Variants in GRIK4 observed in about 807,000 individuals in gnomAD.
The protein encoded by GRIK4 is glutamate receptor ionotropic, kainate 4.
Under a neutral mutation model 104.9 loss-of-function variants are expected in GRIK4, and 40 were observed. The observed-to-expected ratio is 0.38, with a 90% confidence interval of 0.30 to 0.50. The LOEUF (loss-of-function observed/expected upper bound fraction) is 0.50. GRIK4 is among the 20% of genes least tolerant of loss of function. The pLI, the probability that GRIK4 is intolerant of heterozygous loss-of-function variation, is 0.93. For missense variants in GRIK4, 1,047 were observed against 1,308.1 expected (o/e 0.80, Z 3.08); for synonymous variants, 485 against 524.9 (o/e 0.92, Z 1.04).
rs1038653465 is a variant in GRIK4 at position 120,903,247 on chromosome 11, C to T, written c.1273-2043C>T. On this transcript the variant is annotated intron_variant, in intron 12 of 20. Coordinates refer to ENST00000527524, the MANE Select transcript of GRIK4 (RefSeq NM_014619.5). The surrounding 1 kb of genome is among the most constrained non-coding windows in gnomAD (Gnocchi z 4.4). Reference sequence around the variant, plus strand: ...ATCCAGCCTCCCCTCTGCAGCCGGGCCTTGGTAATCCCTGAGCCCAGCTCT... The same window carrying T: ...ATCCAGCCTCCCCTCTGCAGCCGGGTCTTGGTAATCCCTGAGCCCAGCTCT... 2.0e-5 allele frequency among the ~76,000 whole-genome samples: 3 copies of T among 152,146 alleles called. No homozygotes were observed. The highest frequency in any genetic ancestry group is 7.2e-5 in the African/African-American group (3 of 41,422).
intron 3 of GRIK4, among the ~76,000 whole-genome samples, chr11:120,697,216 G>A (rs1703538118): frequency 6.6e-6 from 1 of 152,206 alleles, no homozygotes; most frequent in Admixed American, 6.5e-5. Flanking sequence ...GCCTTTGGTT[G>A]GCTGTGCTGA....
intron 11 of GRIK4, among the ~76,000 whole-genome samples, chr11:120,877,107 T>C (rs1954842643): frequency 6.6e-6 from 1 of 152,244 alleles, no homozygotes; most frequent in Non-Finnish European, 1.5e-5. Context: ...GTCCTGCTGC[T>C]GACTCTCAGA....
intron 4 of GRIK4, among the ~76,000 whole-genome samples, chr11:120,813,963 T>C (rs1952880609): frequency 6.6e-6 from 1 of 152,206 alleles, no homozygotes; most frequent in South Asian, 2.1e-4. Flanking sequence ...TTTCCTGTCC[T>C]CTCTCACTGT....
intron 11 of GRIK4, 21 bp downstream of exon 11, chr11:120,875,264 G>A (rs770994047): frequency 7.2e-7 from 1 of 1,388,660 alleles, no homozygotes; most frequent in South Asian, 1.2e-5. Context: ...CTGCACCGTG[G>A]TGATGGCAGG....
intron 1 of GRIK4, among the ~76,000 whole-genome samples, chr11:120,519,889 T>TTG (rs1555132645): frequency 9.5e-4 from 140 of 146,628 alleles, no homozygotes; most frequent in South Asian, 3.8e-3. Flanking sequence ...TGTTTTTTTT[T>TTG]TTGTTGTTGT....
chr11:120,564,816 C>A (rs1182455915), intron 1 of GRIK4: 1 of 136,728 alleles, frequency 7.3e-6, no homozygotes, highest in Admixed American at 6.9e-5. Context: ...GAGGCTCCCG[C>A]GTGGGCCGGC....
intron 1 of GRIK4, among the ~76,000 whole-genome samples, chr11:120,546,692 G>C (rs769139512): frequency 1.3e-5 from 2 of 152,122 alleles, no homozygotes; most frequent in Non-Finnish European, 2.9e-5. Context: ...CATGCTTCTG[G>C]CTCAGCTCCC....
At chr11:120,786,044 G>T (rs572239503) in intron 3 of GRIK4, among the ~76,000 whole-genome samples, 1 of 152,070 alleles carries the variant, frequency 6.6e-6, no homozygotes, top group African/African-American at 2.4e-5. Context: ...ATTCTTTCCC[G>T]ATCCAAGTCC....
At chr11:120,746,802 C>G (rs1951446881) in intron 3 of GRIK4, among the ~76,000 whole-genome samples, 1 of 152,154 alleles carries the variant, frequency 6.6e-6, no homozygotes, top group Non-Finnish European at 1.5e-5. Flanking sequence ...CTTTTCTAAG[C>G]ACGTCACTCA....
intron 3 of GRIK4, among the ~76,000 whole-genome samples, chr11:120,789,273 C>T (rs1952349418): frequency 6.6e-6 from 1 of 152,118 alleles, no homozygotes. Context: ...TATCTTTGCC[C>T]TTCTCCAAAA....
chr11:120,930,121 G>C (rs967572768), intron 13 of GRIK4, among the ~76,000 whole-genome samples: 1 of 152,154 alleles, frequency 6.6e-6, no homozygotes, highest in Non-Finnish European at 1.5e-5. Flanking sequence ...AAAGCCAAGC[G>C]CACAGTCCTG....
At chr11:120,937,834 G>T (rs563460937) in intron 13 of GRIK4, among the ~76,000 whole-genome samples, 27 of 152,354 alleles carry the variant, frequency 1.8e-4, no homozygotes, top group Admixed American at 1.3e-3. Flanking sequence ...TAATGTCACA[G>T]TTGGCCAACT....
chr11:120,982,482 T>C (rs1249522153), intron 20 of GRIK4, among the ~76,000 whole-genome samples: 1 of 152,232 alleles, frequency 6.6e-6, no homozygotes, highest in Non-Finnish European at 1.5e-5. Context: ...AAAGACAACC[T>C]CAGTCCTTTC....
intron 13 of GRIK4, among the ~76,000 whole-genome samples, chr11:120,908,272 C>T (rs753673514): frequency 6.6e-6 from 1 of 152,196 alleles, no homozygotes; most frequent in African/African-American, 2.4e-5. Flanking sequence ...AGAAAACACA[C>T]ATCTTGATGT....
intron 3 of GRIK4, among the ~76,000 whole-genome samples, chr11:120,798,324 A>G (rs973823999): frequency 6.6e-6 from 1 of 151,208 alleles, no homozygotes; most frequent in Non-Finnish European, 1.5e-5. Flanking sequence ...ACACCTGGCT[A>G]TTTTTTGTAT....
chr11:120,762,431 A>C (rs753891583), intron 3 of GRIK4, among the ~76,000 whole-genome samples: 2 of 152,102 alleles, frequency 1.3e-5, no homozygotes, highest in African/African-American at 4.8e-5. Flanking sequence ...AATACCCTTT[A>C]TTTCTTTCTC....
At chr11:120,660,147 A>C (rs1332310012) in intron 2 of GRIK4, 122 bp from the exon 3 acceptor site, 1 of 597,186 alleles carries the variant, frequency 1.7e-6, no homozygotes, top group Non-Finnish European at 3.0e-6. Context: ...GCCTTCTTTG[A>C]GCCCGGCATG....
intron 9 of GRIK4, chr11:120,868,470 G>C (rs1025644269): frequency 4.0e-5 from 6 of 149,380 alleles, no homozygotes; most frequent in African/African-American, 1.5e-4. Context: ...GAGGAGTAGA[G>C]GCCATGGAAA....
At chr11:120,871,346 G>A (rs927454879) in intron 9 of GRIK4, 5 of 311,386 alleles carry the variant, frequency 1.6e-5, no homozygotes, top group African/African-American at 6.5e-5. Context: ...GGAAGGACAA[G>A]GACGGTTGTA....
Sources: gnomAD v4.1 joint callset for allele counts (sites outside exome capture counted in the v4.1 genomes callset) on GRCh38, gnomAD v4.1.1 for gene constraint, Gnocchi (gnomAD v3.1) non-coding constraint, MANE v1.5 for transcripts, NCBI Gene and HGNC (gene_info 2026-07-23, HGNC 2026-07-21) for gene names.